RGL1: variants seen among roughly 807,000 people sequenced by gnomAD.
RGL1 encodes ral guanine nucleotide dissociation stimulator-like 1.
In RGL1, 24 loss-of-function variants were observed where a neutral mutation model predicts 95.2. That is an observed-to-expected ratio of 0.25 (90% CI 0.18 to 0.35). RGL1 has a LOEUF of 0.35. Ranked by LOEUF, RGL1 falls within the 10% of genes least tolerant of loss-of-function variation. The pLI is 1.00. For synonymous variants in RGL1, 329 were observed against 344.9 expected (o/e 0.95, Z 0.51); for missense variants, 715 against 936.3 (o/e 0.76, Z 3.08).
In RGL1 at chr1:183,689,597, G is replaced by A. The variant is rs78238935; in HGVS notation, c.-32-52529G>A. Among the ~76,000 whole-genome samples the A allele has an allele frequency of 2.1e-3, 316 of 152,276 alleles. 11 individuals are homozygous for A. The East Asian group carries it at 0.046, about 22-fold the overall frequency. On this transcript the variant is annotated intron_variant, in intron 1 of 18. Transcript: ENST00000304685. ...TCATCAATAATTTGCTTACATTTCT[G>A]TAGCTTTTGTATTTCCAGTACCTAC...
chr1:183,879,489 G>A (rs375937529), intron 4 of RGL1, among the ~76,000 whole-genome samples: 1 of 152,208 alleles, frequency 6.6e-6, no homozygotes, highest in South Asian at 2.1e-4. Context: ...TTTAAAATGT[G>A]CTAAAAAATT....
intron 1 of RGL1, among the ~76,000 whole-genome samples, chr1:183,711,927 T>C (rs1655304450): frequency 6.6e-6 from 1 of 152,228 alleles, no homozygotes; most frequent in Non-Finnish European, 1.5e-5. Flanking sequence ...AAGTGCTGTG[T>C]GGTCTTGAGT....
chr1:183,873,509 C>T (rs751197015), intron 4 of RGL1, among the ~76,000 whole-genome samples: 11 of 152,220 alleles, frequency 7.2e-5, no homozygotes, highest in East Asian at 1.9e-4. Flanking sequence ...TTTGAACTCC[C>T]GTCCAACTGA....
intron 2 of RGL1, among the ~76,000 whole-genome samples, chr1:183,755,877 T>G (rs1481180309): frequency 2.0e-5 from 3 of 151,278 alleles, no homozygotes; most frequent in Non-Finnish European, 2.9e-5. Context: ...GATAGTTGAG[T>G]TCATTCTTTT....
intron 1 of RGL1, among the ~76,000 whole-genome samples, chr1:183,677,878 A>G (rs903265496): frequency 5.3e-5 from 8 of 152,192 alleles, no homozygotes; most frequent in Admixed American, 6.5e-5. Flanking sequence ...TGTGGTGAGG[A>G]TACCTGGAGA....
At chr1:183,718,774 A>G (rs377323446) in intron 1 of RGL1, among the ~76,000 whole-genome samples, 23 of 151,900 alleles carry the variant, frequency 1.5e-4, no homozygotes, top group African/African-American at 5.6e-4. Flanking sequence ...CTACCCGGGC[A>G]TGGTGGCACA....
In RGL1 at chr1:183,823,080, C is replaced by CA. The variant is rs201523301; in HGVS notation, c.138+16595_138+16596insA. 7.4e-3 allele frequency among the ~76,000 whole-genome samples: 1,129 copies of CA among 152,070 alleles called. 17 individuals carry two copies. The highest frequency in any genetic ancestry group is 0.03 in the South Asian group (145 of 4,812). On this transcript the variant is annotated intron_variant, in intron 2 of 17. Coordinates refer to ENST00000360851, the MANE Select transcript of RGL1 (RefSeq NM_001297671.3). ...TCTCAAGCCAAAGCACTTTGTACTTCTTTTTTTTAACACCACACATAATCT... is the reference window on the plus strand; with the variant it reads ...TCTCAAGCCAAAGCACTTTGTACTTCATTTTTTTTAACACCACACATAATCT...
chr1:183,788,960 C>T (rs1290326567), intron 2 of RGL1, among the ~76,000 whole-genome samples: 1 of 152,212 alleles, frequency 6.6e-6, no homozygotes, highest in Non-Finnish European at 1.5e-5. Flanking sequence ...AATTCTGCCT[C>T]ATCTTTTGGA....
chr1:183,913,492 C>T (rs1423414915), intron 15 of RGL1, among the ~76,000 whole-genome samples: 11 of 152,142 alleles, frequency 7.2e-5, no homozygotes, highest in African/African-American at 2.7e-4. Context: ...CCACCAATAT[C>T]AGTGTTAATC....
In RGL1 at chr1:183,833,277, A is replaced by G. The variant is rs150950707; in HGVS notation, c.139-14289A>G. Among the ~76,000 whole-genome samples the G allele has an allele frequency of 4.6e-5, 7 of 152,308 alleles. No individual in the cohort carries two copies. The East Asian group carries it at 9.6e-4, about 21-fold the overall frequency. ...AACTAAGACTAAGAGAGGCCAGATG[A>G]CTTTATCCAAGCTTTTATTAATCAA... On this transcript the variant is annotated intron_variant, in intron 2 of 17. Coordinates refer to ENST00000360851, the MANE Select transcript of RGL1 (RefSeq NM_001297671.3).
intron 2 of RGL1, among the ~76,000 whole-genome samples, chr1:183,761,716 G>GAT (rs1158895398): frequency 6.6e-6 from 1 of 152,194 alleles, no homozygotes; most frequent in East Asian, 1.9e-4. Flanking sequence ...CTCTAGCTAT[G>GAT]ATAGTCCAAA....
intron 15 of RGL1, 50 bp downstream of exon 15, chr1:183,912,318 C>T: frequency 6.9e-7 from 1 of 1,445,590 alleles, no homozygotes; most frequent in Non-Finnish European, 9.6e-7. Context: ...CCTACATGCT[C>T]TTTGCCACAC....
At chr1:183,836,078 C>T (rs74130647) in intron 2 of RGL1, among the ~76,000 whole-genome samples, 3,519 of 152,230 alleles carry the variant, frequency 0.023, 154 homozygotes, top group African/African-American at 0.082. Context: ...GGGAATAATT[C>T]CTACACTACA....
At position 183,906,533 on chromosome 1, in the gene RGL1, C is replaced by T. The variant is rs137859442; in HGVS notation, c.1473-479C>T. ...GTAATTGCCTATGTCTGTTCATTGA[C>T]GATCAGATAGATTACAAAAGTCTCT... On this transcript the variant is annotated intron_variant, in intron 13 of 17. Coordinates refer to ENST00000360851, the MANE Select transcript of RGL1 (RefSeq NM_001297671.3). 8.4e-3 allele frequency among the ~76,000 whole-genome samples: 1,273 copies of T among 151,996 alleles called. 18 individuals carry two copies. The highest frequency in any genetic ancestry group is 0.029 in the African/African-American group (1,215 of 41,466).
At chr1:183,878,158 A>G (rs1336599352) in intron 4 of RGL1, among the ~76,000 whole-genome samples, 1 of 143,188 alleles carries the variant, frequency 7.0e-6, no homozygotes, top group African/African-American at 2.6e-5. Flanking sequence ...CTTTCTATCT[A>G]TCTATCTATC....
Position 183,922,326 on chromosome 1 carries a change from G to A in RGL1, c.2109G>A (p.Ser703=), listed in dbSNP as rs756011106. ...AGTACGAGCTGGTGCAGGTCATCTC[G>A]GAGGACAAAGGTGGGCATCCTTCCG... ...AEEYELVQVI[S]EDKELVIPDS... The change falls in exon 17 of 18, where the codon TCG becomes TCA. Residue 703 remains serine (S), a synonymous_variant. Transcript: ENST00000360851. The A allele has an allele frequency of 9.9e-6, 16 of 1,612,862 alleles. No homozygotes were observed. The highest frequency in any genetic ancestry group is 6.7e-5 in the African/African-American group (5 of 74,858).
rs190686000 is a variant in RGL1 at position 183,704,805 on chromosome 1, A to C, written c.-32-37321A>C. 2.0e-5 allele frequency among the ~76,000 whole-genome samples: 3 copies of C among 152,308 alleles called. No homozygotes were observed. The East Asian group carries it at 5.8e-4, about 29-fold the overall frequency. The stretch of plus-strand genomic sequence containing the variant: ...GCATGTCTTTGATGTTATGGGTTGA[A>C]TAAACTGTTAGGTTGGCATGAAGAG... On this transcript the variant is annotated intron_variant, in intron 1 of 18. Coordinates refer to the RGL1 transcript ENST00000304685.
At chr1:183,663,994 A>C (rs536010113) in intron 1 of RGL1, among the ~76,000 whole-genome samples, 55 of 145,784 alleles carry the variant, frequency 3.8e-4, no homozygotes, top group Non-Finnish European at 7.0e-4. Context: ...GTTCTCACTC[A>C]TAGGTGGGAA....
At chr1:183,744,561 G>T (rs1657505754) in intron 2 of RGL1, among the ~76,000 whole-genome samples, 2 of 152,116 alleles carry the variant, frequency 1.3e-5, no homozygotes, top group African/African-American at 4.8e-5. Context: ...ATCTGAATTT[G>T]GTGTTTATCA....
Sources: allele counts gnomAD v4.1 joint callset (sites outside exome capture counted in the v4.1 genomes callset), GRCh38; gene constraint gnomAD v4.1.1; transcripts MANE v1.5; gene names NCBI Gene and HGNC (gene_info 2026-07-23, HGNC 2026-07-21).